Variants in FAT3 observed in about 807,000 individuals in gnomAD.
FAT3 encodes FAT atypical cadherin 3.
FAT3 carries 95 observed loss-of-function variants against 310.2 expected under a neutral mutation model. That is an observed-to-expected ratio of 0.31 (90% CI 0.26 to 0.36). FAT3 has a LOEUF of 0.36. FAT3 is among the 10% of genes least tolerant of loss of function. The probability of loss-of-function intolerance (pLI) is 1.00; values close to 1 mark genes in which losing one functional copy is unlikely to be tolerated. For missense variants in FAT3, 5,408 were observed against 5,715.6 expected (o/e 0.95, Z 1.74); for synonymous variants, 2,314 against 2,192.9 (o/e 1.06, Z -1.54).
At chr11:92,314,604 A>G (rs1947388538) in intron 1 of FAT3, among the ~76,000 whole-genome samples, 1 of 152,144 alleles carries the variant, frequency 6.6e-6, no homozygotes, top group African/African-American at 2.4e-5. Context: ...TACTCTGAGT[A>G]TCCTCTTGCC....
rs766453757 is a variant in FAT3 at position 92,761,977 on chromosome 11, C to T, written c.3791C>T (p.Pro1264Leu). The T allele has an allele frequency of 3.1e-6, 5 of 1,613,920 alleles. No homozygotes were observed. In the South Asian group the frequency reaches 3.3e-5, roughly 11 times the overall value. ...GAGAAGGTCTACCAGATCAAGCTGC[C>T]AGAACGTGACCGAAAGAAGAGAGGA... is the stretch of plus-strand genomic sequence containing the variant. ...FPEKVYQIKL[P>L]ERDRKKRGEP... The change falls in exon 5 of 28, where the codon CCA (proline) becomes CTA (leucine). Residue 1264 changes from proline to leucine, a missense_variant. Physicochemically the swap from Pro to Leu is moderately conservative, Grantham distance 98. Transcript: ENST00000525166.
rs565774598 is a variant in FAT3 at position 92,751,619 on chromosome 11, G to C, written c.3670-10237G>C. 2.0e-5 allele frequency among the ~76,000 whole-genome samples: 3 copies of C among 152,276 alleles called. No homozygotes were observed. The East Asian group carries it at 5.8e-4, about 30-fold the overall frequency. On this transcript the variant is annotated intron_variant, in intron 4 of 27. Coordinates refer to ENST00000525166, the MANE Select transcript of FAT3 (RefSeq NM_001367949.2). Reference sequence around the variant, plus strand: ...AACCCAGTGGCAGTTTTTAAGCATTGAGGACAGAAAGGTGCCAAAAGACTG... The same window carrying C: ...AACCCAGTGGCAGTTTTTAAGCATTCAGGACAGAAAGGTGCCAAAAGACTG...
rs199642355 is a variant in FAT3 at position 92,330,999 on chromosome 11, T to A, written c.-17-21097T>A. 5.1e-5 allele frequency among the ~76,000 whole-genome samples: 6 copies of A among 117,894 alleles called. No homozygotes were observed. In the East Asian group the frequency reaches 9.6e-4, roughly 19 times the overall value. The allele number at this position is 117,894 out of a possible 152,430, so 77.3% of individuals were successfully genotyped here. On this transcript the variant is annotated intron_variant, in intron 1 of 27. Coordinates refer to ENST00000525166, the MANE Select transcript of FAT3 (RefSeq NM_001367949.2). ...GTGTGTGTGTGTGTGTGTGTGTGTG[T>A]GTGTGAGAGAGAGAGAGAGAGAAAC... is the stretch of plus-strand genomic sequence containing the variant.
chr11:92,803,594 T>C (rs1049479687), intron 10 of FAT3, among the ~76,000 whole-genome samples: 2 of 152,172 alleles, frequency 1.3e-5, no homozygotes, highest in African/African-American at 4.8e-5. Context: ...CACACCGCTA[T>C]TGACATATGG....
intron 2 of FAT3, among the ~76,000 whole-genome samples, chr11:92,425,633 G>C (rs1205210848): frequency 6.6e-6 from 1 of 152,118 alleles, no homozygotes; most frequent in Non-Finnish European, 1.5e-5. Flanking sequence ...AGAACATGTG[G>C]TGTTTGGTTT....
intron 2 of FAT3, among the ~76,000 whole-genome samples, chr11:92,423,384 G>A (rs188957171): frequency 2.6e-5 from 4 of 152,248 alleles, no homozygotes; most frequent in South Asian, 2.1e-4. Context: ...CTTATTGTGA[G>A]TCATGAAGAA....
chr11:92,758,412 A>G (rs535383111), intron 4 of FAT3, among the ~76,000 whole-genome samples: 1 of 152,360 alleles, frequency 6.6e-6, no homozygotes, highest in Admixed American at 6.5e-5. Context: ...AGAATGAGTC[A>G]GGTATATTCC....
At chr11:92,468,274 CTT>C (rs1951822211) in intron 2 of FAT3, among the ~76,000 whole-genome samples, 1 of 152,120 alleles carries the variant, frequency 6.6e-6, no homozygotes, top group Non-Finnish European at 1.5e-5. Flanking sequence ...TGCCATGCAT[CTT>C]GTTATAAGAA....
chr11:92,336,993 T>C (rs1355533329), intron 1 of FAT3, among the ~76,000 whole-genome samples: 1 of 152,326 alleles, frequency 6.6e-6, no homozygotes. Context: ...GTGTGACATA[T>C]ACTCAGCCCT....
At chr11:92,475,250 C>A (rs1952015461) in intron 2 of FAT3, among the ~76,000 whole-genome samples, 1 of 152,040 alleles carries the variant, frequency 6.6e-6, no homozygotes, top group Admixed American at 6.6e-5. Flanking sequence ...TTTAAAAAAT[C>A]CTTATGCTGT....
intron 1 of FAT3, among the ~76,000 whole-genome samples, chr11:92,298,026 A>G (rs1039341892): frequency 6.6e-6 from 1 of 152,096 alleles, no homozygotes; most frequent in African/African-American, 2.4e-5. Context: ...TTCTGTGAGC[A>G]CAACAAGGAA....
chr11:92,592,703 G>A (rs1189928469), intron 3 of FAT3, among the ~76,000 whole-genome samples: 1 of 152,002 alleles, frequency 6.6e-6, no homozygotes. Context: ...ACATTTATAA[G>A]ATAACTGAAA....
intron 6 of FAT3, among the ~76,000 whole-genome samples, chr11:92,768,944 C>T (rs1304660694): frequency 6.6e-6 from 1 of 152,208 alleles, no homozygotes; most frequent in Non-Finnish European, 1.5e-5. Flanking sequence ...AATGCTATAA[C>T]TAATAAATTC....
chr11:92,751,164 G>A (rs1306154240), intron 4 of FAT3, among the ~76,000 whole-genome samples: 2 of 152,206 alleles, frequency 1.3e-5, no homozygotes, highest in Non-Finnish European at 1.5e-5. Context: ...GGTGGGGCAA[G>A]CATTTAGATG....
chr11:92,758,165 G>A (rs1009034381), intron 4 of FAT3, among the ~76,000 whole-genome samples: 5 of 152,192 alleles, frequency 3.3e-5, no homozygotes, highest in Admixed American at 3.3e-4. Context: ...GTCACTTAGA[G>A]CTGTACCAGG....
At chr11:92,589,977 T>G (rs1591491825) in intron 3 of FAT3, among the ~76,000 whole-genome samples, 1 of 152,132 alleles carries the variant, frequency 6.6e-6, no homozygotes, top group African/African-American at 2.4e-5. Context: ...AAATTAAATT[T>G]CAGTAGATTT....
At chr11:92,306,940 G>A (rs1421697155) in intron 1 of FAT3, among the ~76,000 whole-genome samples, 3 of 149,528 alleles carry the variant, frequency 2.0e-5, no homozygotes, top group African/African-American at 4.9e-5. Context: ...ACAGACCTGT[G>A]CCACCATGTC....
intron 15 of FAT3, among the ~76,000 whole-genome samples, chr11:92,835,470 G>A (rs904635941): frequency 2.0e-5 from 3 of 152,060 alleles, no homozygotes; most frequent in African/African-American, 7.2e-5. Context: ...CTGTTGCACA[G>A]CATGATGAAT....
intron 1 of FAT3, among the ~76,000 whole-genome samples, chr11:92,256,120 A>C (rs1865305140): frequency 6.6e-6 from 1 of 152,154 alleles, no homozygotes; most frequent in Non-Finnish European, 1.5e-5. Context: ...GAGTCTAAAT[A>C]ACACTGAATA....
Sources: gnomAD v4.1 joint callset for allele counts (sites outside exome capture counted in the v4.1 genomes callset) on GRCh38, gnomAD v4.1.1 for gene constraint, MANE v1.5 for transcripts, NCBI Gene and HGNC (gene_info 2026-07-23, HGNC 2026-07-21) for gene names.